Variants in MEGF11 observed in about 807,000 individuals in gnomAD.
MEGF11 encodes the protein multiple epidermal growth factor-like domains protein 11.
In MEGF11, 126 loss-of-function variants were observed where a neutral mutation model predicts 146.6. That is an observed-to-expected ratio of 0.86 (90% CI 0.74 to 1.00). The LOEUF (loss-of-function observed/expected upper bound fraction) is 1.00, where lower values mean the gene tolerates loss of function less well. Among genes scored for constraint, MEGF11 ranks in the 50% least tolerant of loss-of-function variants. MEGF11 has a pLI of 0.00. For synonymous variants in MEGF11, 532 were observed against 583.4 expected, an observed-to-expected ratio of 0.91 and a Z score of 1.27; for missense variants, 1,509 against 1,521.2, an observed-to-expected ratio of 0.99 and a Z score of 0.13.
At chr15:66,188,889 G>A (rs1402885123) in intron 1 of MEGF11, among the ~76,000 whole-genome samples, 1 of 152,156 alleles carries the variant, frequency 6.6e-6, no homozygotes, top group East Asian at 1.9e-4. Context: ...GGGGTTGCAG[G>A]GCTGGGCAAA....
chr15:65,910,986 T>C (rs1033941176), intron 21 of MEGF11, among the ~76,000 whole-genome samples: 2 of 152,212 alleles, frequency 1.3e-5, no homozygotes, highest in South Asian at 2.1e-4. Flanking sequence ...TCCTCACTTC[T>C]TGTTTCCCAC....
chr15:65,936,641 A>G (rs898112636), intron 10 of MEGF11, among the ~76,000 whole-genome samples: 6 of 152,146 alleles, frequency 3.9e-5, no homozygotes, highest in African/African-American at 1.4e-4. Context: ...AGGTATACTC[A>G]TGCCTACATC....
intron 13 of MEGF11, among the ~76,000 whole-genome samples, chr15:65,924,550 T>C (rs1022099730): frequency 6.6e-6 from 1 of 151,652 alleles, no homozygotes; most frequent in Non-Finnish European, 1.5e-5. Context: ...ACCATAAAAC[T>C]GTTCAAGGTT....
chr15:66,231,426 GA>G (rs2091965648), intron 1 of MEGF11, among the ~76,000 whole-genome samples: 2 of 151,214 alleles, frequency 1.3e-5, no homozygotes, highest in Non-Finnish European at 2.9e-5. Context: ...AGTTGTCAAA[GA>G]TGCCAAGAAG....
intron 11 of MEGF11, 50 bp from the exon 12 acceptor site, chr15:65,929,933 C>G: frequency 6.5e-7 from 1 of 1,537,500 alleles, no homozygotes; most frequent in Non-Finnish European, 8.8e-7. Flanking sequence ...CCCAGTGTGT[C>G]TTTTTTGCCC....
chr15:66,012,463 C>G (rs1439838476), intron 5 of MEGF11, among the ~76,000 whole-genome samples: 1 of 152,174 alleles, frequency 6.6e-6, no homozygotes, highest in Admixed American at 6.5e-5. Context: ...TGTCTTCAAG[C>G]GCCTGCCCAT....
chr15:65,912,876 G>A (rs2078860069), intron 20 of MEGF11, among the ~76,000 whole-genome samples: 1 of 152,138 alleles, frequency 6.6e-6, no homozygotes, highest in Admixed American at 6.5e-5. Context: ...AAGTGATCTG[G>A]GTTTTCTAAG....
At chr15:65,939,494 T>A (rs923059982) in intron 10 of MEGF11, among the ~76,000 whole-genome samples, 1 of 106,442 alleles carries the variant, frequency 9.4e-6, no homozygotes, top group African/African-American at 3.2e-5. Flanking sequence ...GCTCCCAACT[T>A]TTTTTTTTTT....
intron 10 of MEGF11, among the ~76,000 whole-genome samples, chr15:65,942,061 A>G (rs995480364): frequency 1.1e-4 from 16 of 152,140 alleles, no homozygotes; most frequent in African/African-American, 3.6e-4. Flanking sequence ...TAGAGAGAGA[A>G]CTATCCTAGA....
At chr15:66,123,773 C>G in intron 3 of MEGF11, 126 bp downstream of exon 3, 2 of 728,032 alleles carry the variant, frequency 2.7e-6, no homozygotes, top group Non-Finnish European at 4.8e-6. Context: ...AGCAGAGCAT[C>G]TTGGGTGTTC....
chr15:66,149,717 A>G (rs1408869115), intron 1 of MEGF11, among the ~76,000 whole-genome samples: 1 of 152,238 alleles, frequency 6.6e-6, no homozygotes, highest in African/African-American at 2.4e-5. Context: ...AGAGGGAGGG[A>G]GCCTGGCCCA....
chr15:66,160,972 G>A (rs2089934223), intron 1 of MEGF11, among the ~76,000 whole-genome samples: 2 of 152,128 alleles, frequency 1.3e-5, no homozygotes, highest in Admixed American at 1.3e-4. Context: ...GGGGAGGAGT[G>A]CCCAGGTGCA....
intron 5 of MEGF11, among the ~76,000 whole-genome samples, chr15:66,019,810 T>C (rs1388012004): frequency 6.6e-6 from 1 of 152,340 alleles, no homozygotes; most frequent in Admixed American, 6.5e-5. Context: ...GCATCACTTA[T>C]GCCATCCTTC....
chr15:66,059,252 G>A (rs2084803600), intron 5 of MEGF11, among the ~76,000 whole-genome samples: 1 of 152,198 alleles, frequency 6.6e-6, no homozygotes, highest in African/African-American at 2.4e-5. Context: ...CTCACCACGA[G>A]GAAGTTCTCC....
At chr15:66,242,740 C>T (rs1386635207) in intron 1 of MEGF11, among the ~76,000 whole-genome samples, 3 of 152,186 alleles carry the variant, frequency 2.0e-5, no homozygotes, top group Non-Finnish European at 4.4e-5. Flanking sequence ...CCTTCCTCTT[C>T]CACCTCGAGG....
rs529534191 is a variant in MEGF11, at chr15:65,982,263, G to T, written c.620C>A (p.Ala207Glu). ...TCACTAGACGCCGGTGTAGCCAGGT[G>T]CGCAGAGGCACTCGCCGGCGCGGGG... ...CDPRAGECLC[A>E]PGYTGVYCEE... Residue 207 changes from alanine (A) to glutamate (E), a missense_variant, in exon 6 of 26, where the codon GCA (alanine) becomes GAA (glutamate). By Grantham distance (107) the Ala-to-Glu change is moderately radical (BLOSUM62 -1). Transcript: ENST00000395614. This position sits in a 1 kb window ranked among gnomAD's most constrained non-coding sequence, Gnocchi z 5.6. 7.8e-6 allele frequency: 12 copies of T among 1,540,910 alleles called. No homozygotes were observed. Among genetic ancestry groups the T allele is most frequent in the South Asian group, 2.4e-5 (2 of 83,886 alleles).
chr15:66,143,420 C>T (rs529201321), intron 1 of MEGF11, among the ~76,000 whole-genome samples: 2 of 152,328 alleles, frequency 1.3e-5, no homozygotes, highest in East Asian at 3.9e-4. Context: ...CCACCAGCCC[C>T]TCAGTCTACT....
At chr15:66,113,284 G>C (rs1275041651) in intron 4 of MEGF11, among the ~76,000 whole-genome samples, 3 of 152,164 alleles carry the variant, frequency 2.0e-5, no homozygotes, top group African/African-American at 7.2e-5. Flanking sequence ...GGGCCCATCA[G>C]CTGCATACGT....
At chr15:66,153,696 G>A (rs1203350466) in intron 1 of MEGF11, among the ~76,000 whole-genome samples, 2 of 152,184 alleles carry the variant, frequency 1.3e-5, no homozygotes, top group Non-Finnish European at 2.9e-5. Context: ...CAGACACAGA[G>A]AAGTCACTTC....
Sources: gnomAD v4.1 joint callset for allele counts (sites outside exome capture counted in the v4.1 genomes callset) on GRCh38, gnomAD v4.1.1 for gene constraint, Gnocchi (gnomAD v3.1) non-coding constraint, MANE v1.5 for transcripts, NCBI Gene and HGNC (gene_info 2026-07-23, HGNC 2026-07-21) for gene names.